The following CLASP1 variants were observed in gnomAD, a reference collection of about 807,000 sequenced individuals.
CLASP1 encodes cytoplasmic linker associated protein 1.
A neutral mutation model predicts 192.3 loss-of-function variants in CLASP1; 38 were observed. The observed-to-expected ratio is 0.20, with a 90% CI of 0.15 to 0.26. CLASP1 has a LOEUF of 0.26. Ranked by LOEUF, CLASP1 falls within the 10% of genes least tolerant of loss-of-function variation. The pLI, the probability that CLASP1 is intolerant of heterozygous loss-of-function variation, is 1.00. For missense variants in CLASP1, 1,433 were observed against 1,932.5 expected, an observed-to-expected ratio of 0.74 and a Z score of 4.85; for synonymous variants, 691 against 712.8, an observed-to-expected ratio of 0.97 and a Z score of 0.49.
intron 22 of CLASP1, among the ~76,000 whole-genome samples, chr2:121,422,934 T>C (rs2079755520): frequency 6.6e-6 from 1 of 152,082 alleles, no homozygotes; most frequent in Non-Finnish European, 1.5e-5. Flanking sequence ...CTCCTCTTTT[T>C]TTCAACAATT....
chr2:121,604,220 AAG>A (rs1438498943), intron 2 of CLASP1, among the ~76,000 whole-genome samples: 3 of 152,266 alleles, frequency 2.0e-5, no homozygotes, highest in African/African-American at 7.2e-5. Flanking sequence ...ACTTTTAAAA[AAG>A]AACAAAATTG....
intron 1 of CLASP1, among the ~76,000 whole-genome samples, chr2:121,616,515 T>C (rs2066490733): frequency 6.6e-6 from 1 of 152,156 alleles, no homozygotes; most frequent in Non-Finnish European, 1.5e-5. Context: ...GGTTGATAAT[T>C]TAAAGCCAGT....
chr2:121,563,281 G>A (rs987363842), intron 2 of CLASP1, among the ~76,000 whole-genome samples: 15 of 152,134 alleles, frequency 9.9e-5, no homozygotes, highest in African/African-American at 3.1e-4. Flanking sequence ...GTCAAGAAAC[G>A]ACCGCCTGAT....
At chr2:121,562,608 A>C (rs1368488552) in intron 2 of CLASP1, among the ~76,000 whole-genome samples, 1 of 152,216 alleles carries the variant, frequency 6.6e-6, no homozygotes, top group Non-Finnish European at 1.5e-5. Context: ...ACAAATCTCT[A>C]TTCTAGAAAC....
chr2:121,626,714 C>T (rs531124149), intron 1 of CLASP1, among the ~76,000 whole-genome samples: 69 of 152,206 alleles, frequency 4.5e-4, no homozygotes, highest in African/African-American at 1.4e-3. Flanking sequence ...TGTGAGCCAC[C>T]GCACCTGGCC....
intron 39 of CLASP1, among the ~76,000 whole-genome samples, chr2:121,346,587 C>G (rs528854920): frequency 1.2e-4 from 19 of 152,346 alleles, no homozygotes; most frequent in African/African-American, 4.1e-4. Context: ...GGGATGTTGC[C>G]GTAAACATGA....
At chr2:121,530,189 C>A in intron 3 of CLASP1, 58 bp downstream of exon 3, 1 of 1,446,196 alleles carries the variant, frequency 6.9e-7, no homozygotes, top group Non-Finnish European at 9.4e-7. Context: ...CCGGGGAGGC[C>A]GAGGGAAGGC....
chr2:121,517,858 C>CTTTTTTTTTTTTTTTTTTT (rs70954553), intron 6 of CLASP1, among the ~76,000 whole-genome samples: 1 of 30,820 alleles, frequency 3.2e-5, no homozygotes, highest in Non-Finnish European at 5.5e-5. Flanking sequence ...AAGACTCAAG[C>CTTTTTTTTTTTTTTTTTTT]TTTTTTTTTT....
At chr2:121,559,684 T>G (rs1000399339) in intron 2 of CLASP1, among the ~76,000 whole-genome samples, 2 of 152,012 alleles carry the variant, frequency 1.3e-5, no homozygotes, top group Non-Finnish European at 2.9e-5. Context: ...TGCCAGAAGC[T>G]TTGGACAGAG....
chr2:121,430,807 A>G (rs1226222885), intron 19 of CLASP1, among the ~76,000 whole-genome samples: 1 of 152,172 alleles, frequency 6.6e-6, no homozygotes, highest in East Asian at 1.9e-4. Flanking sequence ...GCTAAAAAGA[A>G]TCAGTATTAG....
At chr2:121,340,784 G>A (rs76710566) in exon 40 of CLASP1, 49,377 of 1,099,530 alleles carry the variant, frequency 0.045, 1,399 homozygotes, top group East Asian at 0.12. Context: ...CTGGGCAGCC[G>A]ATGAAGGGGG....
chr2:121,648,754 T>G (rs1008648215), intron 1 of CLASP1, among the ~76,000 whole-genome samples: 1 of 152,194 alleles, frequency 6.6e-6, no homozygotes, highest in African/African-American at 2.4e-5. Flanking sequence ...CTTGTTCGCT[T>G]TCCCAGCTTC....
intron 2 of CLASP1, among the ~76,000 whole-genome samples, chr2:121,605,442 C>T (rs868324951): frequency 6.6e-6 from 1 of 152,182 alleles, no homozygotes; most frequent in African/African-American, 2.4e-5. Context: ...AACTTTCCAA[C>T]AAAAAAGCCT....
At chr2:121,617,672 T>G (rs2066683995) in intron 1 of CLASP1, among the ~76,000 whole-genome samples, 1 of 152,224 alleles carries the variant, frequency 6.6e-6, no homozygotes, top group Admixed American at 6.5e-5. Context: ...CCTACTTGTG[T>G]GAAAACAAAT....
intron 2 of CLASP1, among the ~76,000 whole-genome samples, chr2:121,572,380 G>A (rs567686232): frequency 2.4e-4 from 37 of 152,248 alleles, no homozygotes; most frequent in African/African-American, 8.2e-4. Flanking sequence ...GTGAGCCGAG[G>A]TTGCACCAAT....
chr2:121,371,560 A>G (rs1356416699), intron 34 of CLASP1, among the ~76,000 whole-genome samples: 1 of 152,040 alleles, frequency 6.6e-6, no homozygotes, highest in Non-Finnish European at 1.5e-5. Context: ...TCACGCATCC[A>G]TCTTTTCTAC....
At chr2:121,628,403 C>A (rs992552791) in intron 1 of CLASP1, among the ~76,000 whole-genome samples, 2 of 152,108 alleles carry the variant, frequency 1.3e-5, no homozygotes, top group Non-Finnish European at 2.9e-5. Flanking sequence ...AGGCCAGGCA[C>A]GATGGCTTAC....
chr2:121,506,285 C>T (rs2093948111), intron 7 of CLASP1, among the ~76,000 whole-genome samples: 1 of 152,112 alleles, frequency 6.6e-6, no homozygotes, highest in South Asian at 2.1e-4. Context: ...TCCCCATTCC[C>T]AAAGAACTAT....
At chr2:121,470,026 C>G in intron 8 of CLASP1, 66 bp from the exon 9 acceptor site, 29 of 1,160,670 alleles carry the variant, frequency 2.5e-5, no homozygotes, top group Non-Finnish European at 3.2e-5. Context: ...TATATATATA[C>G]TTTTTCACCT....
Sources: allele counts gnomAD v4.1 joint callset (sites outside exome capture counted in the v4.1 genomes callset), GRCh38; gene constraint gnomAD v4.1.1; transcripts MANE v1.5; gene names NCBI Gene and HGNC (gene_info 2026-07-23, HGNC 2026-07-21).